GNAS: variants seen among roughly 807,000 people sequenced by gnomAD.
GNAS encodes GNAS complex locus, also known as protein ALEX.
GNAS carries 8 observed loss-of-function variants against 54.5 expected under a neutral mutation model. The ratio of observed to expected loss-of-function variants is 0.15; its 90% CI spans 0.09 to 0.26. The LOEUF (loss-of-function observed/expected upper bound fraction) is 0.26, where lower values mean the gene tolerates loss of function less well. Ranked by LOEUF, GNAS falls within the 10% of genes least tolerant of loss-of-function variation. GNAS has a pLI of 1.00. For synonymous variants in GNAS, 204 were observed against 191.4 expected, an observed-to-expected ratio of 1.07 and a Z score of -0.54; for missense variants, 170 against 529.8, an observed-to-expected ratio of 0.32 and a Z score of 6.67.
intron 2 of GNAS, 44 bp from the exon 3 acceptor site, chr20:58,898,897 C>A: frequency 6.5e-7 from 1 of 1,538,718 alleles, no homozygotes; most frequent in Non-Finnish European, 9.0e-7. Context: ...TGTGACACTG[C>A]GGTGCCTTGC....
intron 6 of GNAS, 33 bp downstream of exon 6, chr20:58,905,513 A>G (rs766661481): frequency 9.6e-7 from 1 of 1,043,510 alleles, no homozygotes. Context: ...ATCAGCACAT[A>G]AAACAGACAA....
At chr20:58,882,376 C>T (rs990027575) in intron 1 of GNAS, among the ~76,000 whole-genome samples, 5 of 152,250 alleles carry the variant, frequency 3.3e-5, no homozygotes, top group Admixed American at 6.5e-5. Flanking sequence ...TATCAGGGAG[C>T]AACGGCTCCA....
upstream of GNAS, among the ~76,000 whole-genome samples, chr20:58,886,404 T>C (rs2088591398): frequency 6.6e-6 from 1 of 152,184 alleles, no homozygotes; most frequent in Admixed American, 6.5e-5. Context: ...ATCTGTGCTT[T>C]CCTTGGGCAT....
chr20:58,887,005 A>G (rs966221305), upstream of GNAS, among the ~76,000 whole-genome samples: 1 of 152,246 alleles, frequency 6.6e-6, no homozygotes, highest in African/African-American at 2.4e-5. Context: ...TTTCTAGGAC[A>G]ATAGTCCCAA....
chr20:58,903,607 T>C (rs757956107), intron 4 of GNAS, 22 bp downstream of exon 4: 2 of 1,614,008 alleles, frequency 1.2e-6, no homozygotes, highest in East Asian at 2.2e-5. Context: ...CTCCTTGTGC[T>C]GTCTGTCTTG....
upstream of GNAS, chr20:58,889,253 G>T: frequency 9.2e-7 from 1 of 1,082,528 alleles, no homozygotes; most frequent in Non-Finnish European, 1.1e-6. Context: ...CTCTGGCTCC[G>T]GGCTGCGGCG....
intron 3 of GNAS, chr20:58,899,343 T>A: frequency 2.0e-6 from 1 of 509,674 alleles, no homozygotes; most frequent in Non-Finnish European, 3.7e-6. Context: ...AACTATCTAC[T>A]AAATTCCATC....
intron 1 of GNAS, among the ~76,000 whole-genome samples, chr20:58,881,154 A>C (rs1312300076): frequency 2.0e-5 from 3 of 152,240 alleles, no homozygotes; most frequent in Non-Finnish European, 4.4e-5. Flanking sequence ...TTTCAGGCTG[A>C]GAATGACATT....
At chr20:58,876,864 A>G (rs926271618) in intron 1 of GNAS, 4 of 152,356 alleles carry the variant, frequency 2.6e-5, no homozygotes, top group Non-Finnish European at 5.9e-5. Flanking sequence ...AGCCACCACC[A>G]CCGTTCCTCC....
At chr20:58,900,027 C>T (rs2146101100) in intron 3 of GNAS, 1 of 714,040 alleles carries the variant, frequency 1.4e-6, no homozygotes, top group South Asian at 1.5e-5. Flanking sequence ...GCTGGAATTG[C>T]TCGGTCTTAG....
At chr20:58,866,854 T>C (rs1417145331) in intron 1 of GNAS, among the ~76,000 whole-genome samples, 1 of 151,746 alleles carries the variant, frequency 6.6e-6, no homozygotes, top group Non-Finnish European at 1.5e-5. Context: ...AATAAATAAA[T>C]AGATAGACAA....
intron 1 of GNAS, chr20:58,854,525 T>C (rs926350885): frequency 3.8e-6 from 6 of 1,581,222 alleles, no homozygotes; most frequent in Admixed American, 1.7e-5. Context: ...CAGCCGATCC[T>C]GACTCCGGGG....
intron 1 of GNAS, among the ~76,000 whole-genome samples, chr20:58,882,139 G>A (rs1440122057): frequency 6.6e-6 from 1 of 152,182 alleles, no homozygotes; most frequent in Non-Finnish European, 1.5e-5. Flanking sequence ...CGCGATCTCG[G>A]CTCACTGCAA....
At chr20:58,872,055 G>A (rs569191062) in intron 1 of GNAS, among the ~76,000 whole-genome samples, 2 of 152,264 alleles carry the variant, frequency 1.3e-5, no homozygotes, top group Middle Eastern at 3.4e-3. Flanking sequence ...GAGGTCCCTT[G>A]TTCGTTCAAG....
Position 58,910,553 on chromosome 20 carries a change from C to T in GNAS, c.1039-130C>T. On this transcript the variant is annotated intron_variant, in intron 12 of 12. Coordinates refer to ENST00000371085, the MANE Select transcript of GNAS (RefSeq NM_000516.7). This position sits in a 1 kb window ranked among gnomAD's most constrained non-coding sequence, Gnocchi z 5.8. ...GTGTGGATTTGAGCTCTTTGCGCCC[C>T]TCTTTTTGCTTTTGTTTTCATATGA... The T allele has an allele frequency of 4.8e-6, 6 of 1,249,826 alleles. No individual in the cohort carries two copies. Among genetic ancestry groups the T allele is most frequent in the Admixed American group, 3.7e-5 (2 of 54,092 alleles). 77.4% of individuals were successfully genotyped at this position (1,249,826 alleles called of 1,614,324 possible).
intron 1 of GNAS, chr20:58,892,131 C>T (rs1380856833): frequency 2.1e-6 from 2 of 964,928 alleles, no homozygotes; most frequent in South Asian, 4.8e-5. Context: ...GTGTCTCTCT[C>T]TTGCTCTCGC....
In GNAS at chr20:58,910,235, A is replaced by G. The variant is rs1241572021; in HGVS notation, c.971-99A>G. 2.4e-6 allele frequency: 3 copies of G among 1,273,714 alleles called. No individual in the cohort carries two copies. The African/African-American group carries it at 4.4e-5, about 19-fold the overall frequency. 78.9% of individuals were successfully genotyped at this position (1,273,714 alleles called of 1,614,324 possible). A position where few individuals can be genotyped will look rare whatever the true frequency, so the allele number is the denominator to read the frequency against. ...CACTCCCACTAATTCTCATATGGAA[A>G]AATCAGGGTTTTGAAGACTTCAGGA... is the stretch of plus-strand genomic sequence containing the variant. On this transcript the variant is annotated intron_variant, in intron 11 of 12. Coordinates refer to ENST00000371085, the MANE Select transcript of GNAS (RefSeq NM_000516.7). The surrounding 1 kb of genome is among the most constrained non-coding windows in gnomAD (Gnocchi z 5.8).
rs2086863582 is a variant in GNAS, at chr20:58,863,047, TTGAAGA to T, written c.43+22168_43+22173del. 6.6e-6 allele frequency among the ~76,000 whole-genome samples: 1 copy of T among 151,760 alleles called. No individual in the cohort carries two copies. The highest frequency in any genetic ancestry group is 2.4e-5 in the African/African-American group (1 of 41,310). On this transcript the variant is annotated intron_variant, in intron 1 of 12. Coordinates refer to the GNAS transcript ENST00000306090. The surrounding 1 kb of genome is among the most constrained non-coding windows in gnomAD (Gnocchi z 4.1). ...GGTGAACCAGGCCAGCTCATGGGAA[TTGAAGA>T]TGAAGAGACCTCCAAGAAAGAGGTA...
chr20:58,879,531 TA>T (rs2088079920), intron 1 of GNAS, among the ~76,000 whole-genome samples: 1 of 152,210 alleles, frequency 6.6e-6, no homozygotes, highest in African/African-American at 2.4e-5. Context: ...GTTTTGTCTA[TA>T]AACAACCAGT....
Sources: gnomAD v4.1 joint callset for allele counts (sites outside exome capture counted in the v4.1 genomes callset) on GRCh38, gnomAD v4.1.1 for gene constraint, Gnocchi (gnomAD v3.1) non-coding constraint, MANE v1.5 for transcripts, NCBI Gene and HGNC (gene_info 2026-07-23, HGNC 2026-07-21) for gene names.